Variants in KCNMA1 observed in about 807,000 individuals in gnomAD.
KCNMA1 encodes potassium calcium-activated channel subfamily M alpha 1.
KCNMA1 carries 29 observed loss-of-function variants against 140.0 expected under a neutral mutation model. That is an observed-to-expected ratio of 0.21 (90% CI 0.15 to 0.28). The LOEUF (loss-of-function observed/expected upper bound fraction) is 0.28, where lower values mean the gene tolerates loss of function less well. Ranked by LOEUF, KCNMA1 falls within the 10% of genes least tolerant of loss-of-function variation. KCNMA1 has a pLI of 1.00. For synonymous variants in KCNMA1, 612 were observed against 611.9 expected, an observed-to-expected ratio of 1.00 and a Z score of 0.00; for missense variants, 880 against 1,602.2, an observed-to-expected ratio of 0.55 and a Z score of 7.70.
chr10:77,081,019 G>A (rs1212407985), intron 12 of KCNMA1, among the ~76,000 whole-genome samples: 2 of 152,122 alleles, frequency 1.3e-5, no homozygotes, highest in Non-Finnish European at 2.9e-5. Flanking sequence ...TCATGATCTG[G>A]TGGAAAATTG....
intron 2 of KCNMA1, among the ~76,000 whole-genome samples, chr10:77,335,116 C>T (rs923512606): frequency 3.9e-5 from 6 of 152,150 alleles, no homozygotes; most frequent in Admixed American, 3.3e-4. Context: ...AAAAGCCTCT[C>T]CCCTTCCCTC....
chr10:77,252,106 A>G (rs1315900651), intron 2 of KCNMA1, among the ~76,000 whole-genome samples: 2 of 152,188 alleles, frequency 1.3e-5, no homozygotes, highest in Non-Finnish European at 2.9e-5. Context: ...CTCAAAATTA[A>G]TCTCCATGGA....
At chr10:77,520,986 T>C (rs2053199293) in intron 1 of KCNMA1, among the ~76,000 whole-genome samples, 1 of 152,240 alleles carries the variant, frequency 6.6e-6, no homozygotes, top group African/African-American at 2.4e-5. Context: ...CTCATTATAG[T>C]TATTCCCTGA....
intron 1 of KCNMA1, among the ~76,000 whole-genome samples, chr10:77,533,403 G>A (rs995360227): frequency 1.3e-5 from 2 of 152,178 alleles, no homozygotes; most frequent in African/African-American, 4.8e-5. Flanking sequence ...ACATGACTTA[G>A]GACAAATCAT....
At chr10:77,164,532 T>C (rs1301091794) in intron 5 of KCNMA1, among the ~76,000 whole-genome samples, 5 of 152,048 alleles carry the variant, frequency 3.3e-5, no homozygotes, top group Non-Finnish European at 7.4e-5. Context: ...CTTTTTTTTT[T>C]TTGGAATCCT....
At chr10:77,446,616 G>T (rs1328787911) in intron 1 of KCNMA1, among the ~76,000 whole-genome samples, 1 of 152,232 alleles carries the variant, frequency 6.6e-6, no homozygotes, top group Non-Finnish European at 1.5e-5. Context: ...CTGCCCAGTT[G>T]CCCAAGGCAA....
At chr10:77,490,018 G>A (rs2098512578) in intron 1 of KCNMA1, among the ~76,000 whole-genome samples, 1 of 152,168 alleles carries the variant, frequency 6.6e-6, no homozygotes, top group African/African-American at 2.4e-5. Context: ...ACTCTTTATT[G>A]AGGAGGGTTA....
At chr10:77,051,562 T>C (rs1482841076) in intron 14 of KCNMA1, among the ~76,000 whole-genome samples, 2 of 152,216 alleles carry the variant, frequency 1.3e-5, no homozygotes, top group Non-Finnish European at 1.5e-5. Flanking sequence ...TTAGGCCTCA[T>C]CAAAAAGACA....
In KCNMA1 at chr10:76,955,042, T is replaced by C. The variant is rs568811816; in HGVS notation, c.2361-1118A>G. On this transcript the variant is annotated intron_variant, in intron 20 of 27. Coordinates refer to ENST00000286628, the MANE Select transcript of KCNMA1 (RefSeq NM_001161352.2). Reference sequence around the variant, plus strand: ...TATAATTAGGACATTGTCCCAGCTATACTTAACCACTCTTGAAATGGAGCT... The same window carrying C: ...TATAATTAGGACATTGTCCCAGCTACACTTAACCACTCTTGAAATGGAGCT... Among the ~76,000 whole-genome samples the C allele has an allele frequency of 2.0e-5, 3 of 152,342 alleles. No homozygotes were observed. The East Asian group carries it at 5.8e-4, about 29-fold the overall frequency.
intron 5 of KCNMA1, among the ~76,000 whole-genome samples, chr10:77,134,637 A>G (rs554347091): frequency 5.6e-4 from 86 of 152,216 alleles, no homozygotes; most frequent in African/African-American, 1.8e-3. Context: ...ACAGGCAATA[A>G]AAGCAAAAAT....
chr10:77,173,428 C>T (rs2098725666), intron 5 of KCNMA1, among the ~76,000 whole-genome samples: 1 of 152,072 alleles, frequency 6.6e-6, no homozygotes, highest in Admixed American at 6.6e-5. Flanking sequence ...ATATGGGCCC[C>T]CAAATGACAC....
intron 1 of KCNMA1, among the ~76,000 whole-genome samples, chr10:77,478,820 G>C (rs1266020289): frequency 1.3e-5 from 2 of 152,130 alleles, no homozygotes; most frequent in Non-Finnish European, 2.9e-5. Context: ...TAGCAAAAAA[G>C]AGGAAAAAGT....
At chr10:77,305,841 C>A (rs1316335180) in intron 2 of KCNMA1, among the ~76,000 whole-genome samples, 1 of 152,150 alleles carries the variant, frequency 6.6e-6, no homozygotes, top group Non-Finnish European at 1.5e-5. Context: ...AAATTAATAG[C>A]CTGCAAACTC....
chr10:77,545,478 G>A (rs1047825046), intron 1 of KCNMA1, among the ~76,000 whole-genome samples: 3 of 152,144 alleles, frequency 2.0e-5, no homozygotes, highest in African/African-American at 7.2e-5. Flanking sequence ...CTGGGTGGAG[G>A]GGTTTTCTTT....
intron 1 of KCNMA1, among the ~76,000 whole-genome samples, chr10:77,577,374 G>A (rs2619610): frequency 0.91 from 138,993 of 152,134 alleles, 63,638 homozygotes; most frequent in South Asian, 0.97. Flanking sequence ...CCATGTAGTT[G>A]AAGCAGTTAA....
chr10:77,598,762 C>T (rs909516877), intron 1 of KCNMA1, among the ~76,000 whole-genome samples: 7 of 152,174 alleles, frequency 4.6e-5, no homozygotes, highest in East Asian at 1.9e-4. Flanking sequence ...ATCCCTGCCC[C>T]GCATCCAGTG....
intron 1 of KCNMA1, among the ~76,000 whole-genome samples, chr10:77,474,782 G>C (rs1269819587): frequency 6.6e-6 from 1 of 152,192 alleles, no homozygotes; most frequent in East Asian, 1.9e-4. Context: ...GGCCTGGCCG[G>C]GAGAGCTGGT....
rs533465521 is a variant in KCNMA1, at chr10:77,312,400, C to T, written c.541-61144G>A. Among the ~76,000 whole-genome samples the T allele has an allele frequency of 8.5e-5, 13 of 152,240 alleles. No individual in the cohort carries two copies. The South Asian group carries it at 2.5e-3, about 29-fold the overall frequency. ...CAGCACTTTGGGAGGCCAAGGCAGGCGGATCACCTGAGGTCAGGAGTTCGA... is the reference window on the plus strand; with the variant it reads ...CAGCACTTTGGGAGGCCAAGGCAGGTGGATCACCTGAGGTCAGGAGTTCGA... On this transcript the variant is annotated intron_variant, in intron 2 of 27. Transcript: ENST00000286628.
At chr10:77,021,370 C>T (rs2092824022) in intron 16 of KCNMA1, among the ~76,000 whole-genome samples, 1 of 152,198 alleles carries the variant, frequency 6.6e-6, no homozygotes, top group South Asian at 2.1e-4. Flanking sequence ...TGCTACATGA[C>T]TGACACATAG....
Sources: allele counts gnomAD v4.1 joint callset (sites outside exome capture counted in the v4.1 genomes callset), GRCh38; gene constraint gnomAD v4.1.1; transcripts MANE v1.5; gene names NCBI Gene and HGNC (gene_info 2026-07-23, HGNC 2026-07-21).